Variants in CACNA2D3 observed in about 807,000 individuals in gnomAD.
CACNA2D3 encodes the protein calcium voltage-gated channel auxiliary subunit alpha2delta 3, also known as voltage-dependent calcium channel subunit alpha-2/delta-3.
CACNA2D3 carries 60 observed loss-of-function variants against 160.6 expected under a neutral mutation model. The ratio of observed to expected loss-of-function variants is 0.37; its 90% CI spans 0.30 to 0.46. CACNA2D3 has a LOEUF of 0.46. CACNA2D3 is among the 20% of genes least tolerant of loss of function. The probability of loss-of-function intolerance (pLI) is 1.00; values close to 1 mark genes in which losing one functional copy is unlikely to be tolerated. For synonymous variants in CACNA2D3, 558 were observed against 492.9 expected (o/e 1.13, Z -1.75); for missense variants, 1,205 against 1,365.0 (o/e 0.88, Z 1.85).
chr3:54,302,599 C>T (rs894428930), intron 2 of CACNA2D3, among the ~76,000 whole-genome samples: 3 of 152,204 alleles, frequency 2.0e-5, no homozygotes, highest in African/African-American at 7.2e-5. Context: ...CACATACTCT[C>T]ACCTCCTCAT....
chr3:54,441,900 A>AT (rs1439373325), intron 4 of CACNA2D3, among the ~76,000 whole-genome samples: 5 of 152,190 alleles, frequency 3.3e-5, no homozygotes, highest in African/African-American at 1.2e-4. Context: ...CTACTTATGC[A>AT]TTGTTTTATA....
chr3:54,410,751 G>A (rs762219939), intron 4 of CACNA2D3, among the ~76,000 whole-genome samples: 23 of 152,156 alleles, frequency 1.5e-4, no homozygotes, highest in South Asian at 4.1e-4. Context: ...CGCAACATCC[G>A]TTCTACAGTC....
intron 4 of CACNA2D3, among the ~76,000 whole-genome samples, chr3:54,461,848 A>G (rs1700511288): frequency 2.0e-5 from 3 of 151,932 alleles, no homozygotes; most frequent in Non-Finnish European, 2.9e-5. Flanking sequence ...TTGCTTTTCT[A>G]GTTCTTTTAA....
Position 54,879,077 on chromosome 3 carries a change from A to T in CACNA2D3, c.1770A>T (p.Thr590=). ...TGKFSMEVKK[T]VDKGKRVLVM... ...AGTTTTCCATGGAGGTGAAGAAGAC[A>T]GTGGACAAAGGGGTACATTTTTCTC... The change falls in exon 19 of 38, where the codon ACA becomes ACT. Residue 590 remains threonine (T), a synonymous_variant. Transcript: ENST00000474759. 1 of 1,599,914 alleles carries T rather than the reference A, an allele frequency of 6.3e-7. No individual in the cohort carries two copies. The highest frequency in any genetic ancestry group is 1.7e-5 in the Admixed American group (1 of 57,722).
At chr3:54,820,095 C>T (rs376253312) in intron 14 of CACNA2D3, among the ~76,000 whole-genome samples, 1 of 152,172 alleles carries the variant, frequency 6.6e-6, no homozygotes, top group East Asian at 1.9e-4. Flanking sequence ...GAGGCACCCC[C>T]AGCCACTACA....
intron 27 of CACNA2D3, among the ~76,000 whole-genome samples, chr3:54,953,876 G>C (rs570635988): frequency 6.6e-6 from 1 of 152,270 alleles, no homozygotes; most frequent in East Asian, 1.9e-4. Context: ...CTGGGACTTG[G>C]AGTCTGAGTA....
intron 11 of CACNA2D3, among the ~76,000 whole-genome samples, chr3:54,682,427 A>G (rs530591624): frequency 6.6e-6 from 1 of 152,102 alleles, no homozygotes; most frequent in South Asian, 2.1e-4. Context: ...GGAGTTTGAG[A>G]CCAGCCTGGC....
Position 54,851,556 on chromosome 3 carries a change from G to C in CACNA2D3, c.1626+5089G>C, listed in dbSNP as rs73063755. On this transcript the variant is annotated intron_variant, in intron 17 of 37. Transcript: ENST00000474759. The stretch of plus-strand genomic sequence containing the variant: ...AAATGGGAGGCAGAGTGGTTGGAGG[G>C]TGGGAGTGACTGGGATACCTGGTCT... Among the ~76,000 whole-genome samples the C allele has an allele frequency of 4.2e-3, 635 of 152,290 alleles. 3 individuals carry two copies. Among genetic ancestry groups the C allele is most frequent in the South Asian group, 0.013 (61 of 4,822 alleles).
chr3:54,157,369 A>T (rs779260513), intron 2 of CACNA2D3, among the ~76,000 whole-genome samples: 5 of 152,182 alleles, frequency 3.3e-5, no homozygotes, highest in Non-Finnish European at 7.3e-5. Context: ...AATATATCCC[A>T]TAACACTCAC....
At chr3:54,832,997 G>A (rs1703911730) in intron 14 of CACNA2D3, among the ~76,000 whole-genome samples, 1 of 152,208 alleles carries the variant, frequency 6.6e-6, no homozygotes, top group African/African-American at 2.4e-5. Context: ...AACTAATCAA[G>A]TATTAAGGAG....
At chr3:54,711,533 C>T (rs1329143822) in intron 11 of CACNA2D3, among the ~76,000 whole-genome samples, 1 of 152,172 alleles carries the variant, frequency 6.6e-6, no homozygotes, top group Non-Finnish European at 1.5e-5. Context: ...CTTCCCTACC[C>T]CCACACAGGC....
At chr3:54,394,381 C>CATATGTATACAT (rs1344377070) in intron 4 of CACNA2D3, among the ~76,000 whole-genome samples, 1 of 148,526 alleles carries the variant, frequency 6.7e-6, no homozygotes, top group Non-Finnish European at 1.5e-5. Flanking sequence ...GTGCAGGTTA[C>CATATGTATACAT]ATATGTATAC....
chr3:54,809,320 T>TCA (rs1559590268), intron 13 of CACNA2D3, among the ~76,000 whole-genome samples: 31 of 109,480 alleles, frequency 2.8e-4, no homozygotes, highest in African/African-American at 1.0e-3. Flanking sequence ...TCTTTTTTTT[T>TCA]TTTTTTTTTG....
At chr3:54,828,886 G>A (rs1043940890) in intron 14 of CACNA2D3, among the ~76,000 whole-genome samples, 4 of 152,196 alleles carry the variant, frequency 2.6e-5, no homozygotes, top group African/African-American at 9.7e-5. Flanking sequence ...TATCTTTTTT[G>A]TAGCATTCTC....
chr3:54,815,970 G>A lies in CACNA2D3; in HGVS notation c.1381-883G>A, dbSNP rs539206047. Reference sequence around the variant, plus strand: ...AAAAACACTGCATGCTATAATGGCAGTCATAATACTGTGGAATTAAACCGT... The same window carrying A: ...AAAAACACTGCATGCTATAATGGCAATCATAATACTGTGGAATTAAACCGT... On this transcript the variant is annotated intron_variant, in intron 13 of 37. Transcript: ENST00000474759. Among the ~76,000 whole-genome samples the A allele has an allele frequency of 5.3e-5, 8 of 152,316 alleles. No homozygotes were observed. The South Asian group carries it at 1.7e-3, about 32-fold the overall frequency.
chr3:54,210,860 A>T (rs1450999636), intron 2 of CACNA2D3, among the ~76,000 whole-genome samples: 2 of 152,200 alleles, frequency 1.3e-5, no homozygotes, highest in Non-Finnish European at 2.9e-5. Context: ...GGTAATGTGT[A>T]AAACACTGCC....
At chr3:54,444,525 C>G (rs773031994) in intron 4 of CACNA2D3, among the ~76,000 whole-genome samples, 57 of 152,238 alleles carry the variant, frequency 3.7e-4, no homozygotes, top group Non-Finnish European at 7.5e-4. Flanking sequence ...TTTTCATAAA[C>G]TGCTCTATTT....
rs58956795 is a variant in CACNA2D3, at chr3:54,183,892, G to GA, written c.204+60326dup. On this transcript the variant is annotated intron_variant, in intron 2 of 37. Coordinates refer to ENST00000474759, the MANE Select transcript of CACNA2D3 (RefSeq NM_018398.3). ...AAAAGCGAAACTCCGTCTCAAAAAA[G>GA]AAAAAAAAAAAAAAAAAAAAAAAAA... Among the ~76,000 whole-genome samples, 291 of 80,776 alleles carry GA rather than the reference G, an allele frequency of 3.6e-3. 7 individuals are homozygous for GA. Among genetic ancestry groups the GA allele is most frequent in the African/African-American group, 6.4e-3 (126 of 19,792 alleles). 53.0% of individuals were successfully genotyped at this position (80,776 alleles called of 152,430 possible).
intron 4 of CACNA2D3, among the ~76,000 whole-genome samples, chr3:54,489,057 A>G (rs569969093): frequency 6.6e-6 from 1 of 152,304 alleles, no homozygotes; most frequent in African/African-American, 2.4e-5. Flanking sequence ...CTACCAGCAG[A>G]GACCAGGGAG....
Sources: allele counts gnomAD v4.1 joint callset (sites outside exome capture counted in the v4.1 genomes callset), GRCh38; gene constraint gnomAD v4.1.1; transcripts MANE v1.5; gene names NCBI Gene and HGNC (gene_info 2026-07-23, HGNC 2026-07-21).